PTPRT: variants seen among roughly 807,000 people sequenced by gnomAD.
PTPRT encodes protein tyrosine phosphatase receptor type T, also known as receptor-type tyrosine-protein phosphatase T.
In PTPRT, 56 loss-of-function variants were observed where a neutral mutation model predicts 176.8. The observed-to-expected ratio is 0.32, with a 90% CI of 0.26 to 0.40. The LOEUF is 0.40. PTPRT is among the 10% of genes least tolerant of loss of function. The probability of loss-of-function intolerance (pLI) is 1.00; values close to 1 mark genes in which losing one functional copy is unlikely to be tolerated. For missense variants in PTPRT, 1,540 were observed against 1,908.2 expected (o/e 0.81, Z 3.60); for synonymous variants, 783 against 739.0 (o/e 1.06, Z -0.96).
intron 15 of PTPRT, among the ~76,000 whole-genome samples, chr20:42,214,272 C>G (rs780836531): frequency 2.3e-4 from 35 of 152,174 alleles, no homozygotes; most frequent in Non-Finnish European, 5.9e-5. Flanking sequence ...AGCTGTCTCC[C>G]TTTCTCCCCA....
rs113850750 is a variant in PTPRT, at chr20:42,223,451, G to A, written c.2342+12778C>T. On this transcript the variant is annotated intron_variant, in intron 15 of 30. Transcript: ENST00000373187. ...CTTTTCGCTACAATGCTGCTTCCAGGTGTTGCTTATTGTTTTCCTCACCAT... is the reference window on the plus strand; with the variant it reads ...CTTTTCGCTACAATGCTGCTTCCAGATGTTGCTTATTGTTTTCCTCACCAT... Among the ~76,000 whole-genome samples the A allele has an allele frequency of 1.6e-4, 25 of 152,290 alleles. 2 individuals carry two copies. The highest frequency in any genetic ancestry group is 6.0e-4 in the African/African-American group (25 of 41,560).
chr20:42,688,783 G>A (rs1569085679), intron 6 of PTPRT, among the ~76,000 whole-genome samples: 1 of 152,116 alleles, frequency 6.6e-6, no homozygotes, highest in Non-Finnish European at 1.5e-5. Flanking sequence ...CCTGGTCAGC[G>A]ACACAGTGAG....
chr20:42,788,152 C>T (rs1410253481), intron 3 of PTPRT, among the ~76,000 whole-genome samples: 2 of 152,024 alleles, frequency 1.3e-5, no homozygotes, highest in Non-Finnish European at 2.9e-5. Flanking sequence ...CTTTTAGCCA[C>T]TTTCATTCAT....
At chr20:42,048,855 C>T in the PTPRT span, among the ~76,000 whole-genome samples, 1 of 152,252 alleles carries the variant, frequency 6.6e-6, no homozygotes, top group African/African-American at 2.4e-5. Context: ...CACTTTCGCT[C>T]TTATTGCCCA....
At chr20:42,820,602 A>T (rs1438284078) in intron 2 of PTPRT, among the ~76,000 whole-genome samples, 1 of 152,178 alleles carries the variant, frequency 6.6e-6, no homozygotes, top group Non-Finnish European at 1.5e-5. Flanking sequence ...GACATAAAAA[A>T]ATCTCCAAAT....
intron 9 of PTPRT, among the ~76,000 whole-genome samples, chr20:42,377,493 G>T (rs919997280): frequency 2.0e-5 from 3 of 152,208 alleles, no homozygotes; most frequent in Non-Finnish European, 4.4e-5. Flanking sequence ...AGTAGATTGG[G>T]CTGGGGCCTG....
the PTPRT span, among the ~76,000 whole-genome samples, chr20:42,041,390 G>A: frequency 6.6e-6 from 1 of 152,284 alleles, no homozygotes; most frequent in South Asian, 2.1e-4. Flanking sequence ...CTGCCACCTG[G>A]GGGAGGTCGC....
rs1281902446 is a variant in PTPRT, at chr20:42,801,758, T to C, written c.215-10292A>G. ...TAGGCTGAGGTCTAAGTTATGTAGGTGTCAGACAGGGGAAAAGGGAACAGA... is the reference window on the plus strand; with the variant it reads ...TAGGCTGAGGTCTAAGTTATGTAGGCGTCAGACAGGGGAAAAGGGAACAGA... On this transcript the variant is annotated intron_variant, in intron 2 of 30. Transcript: ENST00000373187. Among the ~76,000 whole-genome samples, 6 of 152,270 alleles carry C rather than the reference T, an allele frequency of 3.9e-5. No homozygotes were observed. In the East Asian group the frequency reaches 9.7e-4, roughly 24 times the overall value.
intron 1 of PTPRT, among the ~76,000 whole-genome samples, chr20:43,187,178 T>C (rs78318284): frequency 0.043 from 6,505 of 152,312 alleles, 195 homozygotes; most frequent in Non-Finnish European, 0.067. Context: ...CAAAACATAT[T>C]AGCCCAACTA....
chr20:42,874,647 T>A (rs1236531139), intron 2 of PTPRT, among the ~76,000 whole-genome samples: 2 of 152,176 alleles, frequency 1.3e-5, no homozygotes, highest in Non-Finnish European at 2.9e-5. Context: ...AAATCTCAGC[T>A]CCTCCATTTA....
intron 7 of PTPRT, among the ~76,000 whole-genome samples, chr20:42,517,294 A>G (rs897931475): frequency 6.6e-6 from 1 of 151,920 alleles, no homozygotes; most frequent in African/African-American, 2.4e-5. Flanking sequence ...TTAATTCTTT[A>G]GGGTAATTAG....
intron 9 of PTPRT, among the ~76,000 whole-genome samples, chr20:42,427,961 A>C: frequency 6.6e-6 from 1 of 151,984 alleles, no homozygotes; most frequent in Non-Finnish European, 1.5e-5. Context: ...ACCTTCCCAA[A>C]TCCTATAAAA....
chr20:42,613,919 G>A (rs1464148368), intron 7 of PTPRT, among the ~76,000 whole-genome samples: 3 of 145,688 alleles, frequency 2.1e-5, no homozygotes, highest in Non-Finnish European at 4.4e-5. Context: ...AGAAGGAAAA[G>A]GACAAAAAAA....
At chr20:43,015,641 T>G (rs1266264778) in intron 1 of PTPRT, among the ~76,000 whole-genome samples, 1 of 152,104 alleles carries the variant, frequency 6.6e-6, no homozygotes, top group Non-Finnish European at 1.5e-5. Flanking sequence ...CTGGCAGGCC[T>G]CCCGCACTAA....
At chr20:42,752,110 G>A (rs2076778348) in intron 6 of PTPRT, among the ~76,000 whole-genome samples, 1 of 152,152 alleles carries the variant, frequency 6.6e-6, no homozygotes, top group East Asian at 1.9e-4. Context: ...TACAGAACAG[G>A]CCTGACATGA....
intron 1 of PTPRT, among the ~76,000 whole-genome samples, chr20:43,185,909 G>A (rs1033143038): frequency 6.6e-6 from 1 of 150,616 alleles, no homozygotes; most frequent in South Asian, 2.2e-4. Context: ...TCCAGCCTGG[G>A]CAACAGAGTA....
intron 18 of PTPRT, among the ~76,000 whole-genome samples, chr20:42,130,778 G>A (rs1017469359): frequency 2.0e-5 from 3 of 152,218 alleles, no homozygotes; most frequent in Non-Finnish European, 4.4e-5. Flanking sequence ...AGAGGGAGCA[G>A]GTGGGTGGTC....
intron 17 of PTPRT, among the ~76,000 whole-genome samples, chr20:42,155,382 G>A (rs572203236): frequency 1.4e-4 from 22 of 152,316 alleles, no homozygotes; most frequent in African/African-American, 5.3e-4. Flanking sequence ...CCATGGAAGC[G>A]GCAGCCCCAG....
intron 7 of PTPRT, among the ~76,000 whole-genome samples, chr20:42,655,492 T>C (rs2075109538): frequency 6.6e-6 from 1 of 152,080 alleles, no homozygotes; most frequent in Admixed American, 6.6e-5. Flanking sequence ...CTCCATCTTT[T>C]TAAGAAAAAA....
Sources: allele counts gnomAD v4.1 joint callset (sites outside exome capture counted in the v4.1 genomes callset), GRCh38; gene constraint gnomAD v4.1.1; transcripts MANE v1.5; gene names NCBI Gene and HGNC (gene_info 2026-07-23, HGNC 2026-07-21).